STX1A: variants seen among roughly 807,000 people sequenced by gnomAD.
STX1A encodes the protein syntaxin-1A.
A neutral mutation model predicts 37.8 loss-of-function variants in STX1A; 4 were observed. The ratio of observed to expected loss-of-function variants is 0.11; its 90% confidence interval spans 0.05 to 0.24. The LOEUF is 0.24. STX1A is among the 10% of genes least tolerant of loss of function. STX1A has a pLI of 1.00. For missense variants in STX1A, 251 were observed against 399.9 expected (o/e 0.63, Z 3.18); for synonymous variants, 135 against 147.4 (o/e 0.92, Z 0.61).
At position 73,703,797 on chromosome 7, in the gene STX1A, C is replaced by T. The variant is rs782246037; in HGVS notation, c.498G>A (p.Glu166=). 1.5e-5 allele frequency: 25 copies of T among 1,613,888 alleles called. No individual in the cohort carries two copies. The South Asian group carries it at 2.6e-4, about 17-fold the overall frequency. The change falls in exon 7 of 10, where the codon GAG becomes GAA. Residue 166 remains glutamate (E), a synonymous_variant. Transcript: ENST00000222812. Reference sequence around the variant, plus strand: ...CGGGGTTCCCACTCTCCAGCATGTCCTCCAGCTCCTCACTGGTCGTGGTCC... The same window carrying T: ...CGGGGTTCCCACTCTCCAGCATGTCTTCCAGCTCCTCACTGGTCGTGGTCC... The part of the protein sequence containing the change: ...TGRTTTSEEL[E]DMLESGNPAI...
rs193017181 is a variant in STX1A at position 73,706,666 on chromosome 7, C to T, written c.209-1442G>A. ...GTGTGGAGCAGACAGCTCTGCTGCC[C>T]CATGCCCGCCCCACCTGCCAGCAGT... On this transcript the variant is annotated intron_variant, in intron 3 of 9. Coordinates refer to ENST00000222812, the MANE Select transcript of STX1A (RefSeq NM_004603.4). The surrounding 1 kb of genome is among the most constrained non-coding windows in gnomAD (Gnocchi z 4.6). Among the ~76,000 whole-genome samples, 220 of 152,248 alleles carry T rather than the reference C, an allele frequency of 1.4e-3. 3 individuals carry two copies. The highest frequency in any genetic ancestry group is 4.4e-4 in the Non-Finnish European group (30 of 68,008).
rs1554618979 is a variant in STX1A, at chr7:73,717,956, A to G, written c.30+1646T>C. Among the ~76,000 whole-genome samples the G allele has an allele frequency of 1.3e-5, 2 of 152,234 alleles. No individual in the cohort carries two copies. The highest frequency in any genetic ancestry group is 6.5e-5 in the Admixed American group (1 of 15,294). On this transcript the variant is annotated intron_variant, in intron 1 of 9. Transcript: ENST00000222812. This position sits in a 1 kb window ranked among gnomAD's most constrained non-coding sequence, Gnocchi z 4.1. ...TCTTTTGTGCCTCAGTTTCCCCTTC[A>G]GCTAGGGGGATGAAGGCTGACATGC...
At position 73,702,813 on chromosome 7, in the gene STX1A, T is replaced by C. The variant is rs200872589; in HGVS notation, c.678+32A>G. On this transcript the variant is annotated intron_variant, in intron 8 of 9. Transcript: ENST00000222812. The surrounding 1 kb of genome is among the most constrained non-coding windows in gnomAD (Gnocchi z 4.7). The stretch of plus-strand genomic sequence containing the variant: ...TGCAGCCCTGGGTGCTGGTGTGGGC[T>C]GGAGTGGAGGGCAGGGGGGCCCGGC... The C allele has an allele frequency of 6.8e-6, 11 of 1,613,610 alleles. No individual in the cohort carries two copies. The highest frequency in any genetic ancestry group is 9.3e-6 in the Non-Finnish European group (11 of 1,179,918).
chr7:73,719,653 G>C lies in STX1A; in HGVS notation c.-22C>G. ...TCATGCTCCCGGGAGTGGCAGCGGCGCCGGCTGCAGCCGTGTGAGCCCCGC... is the reference window on the plus strand; with the variant it reads ...TCATGCTCCCGGGAGTGGCAGCGGCCCCGGCTGCAGCCGTGTGAGCCCCGC... On this transcript the variant is annotated 5_prime_UTR_variant, in exon 1 of 10. Coordinates refer to ENST00000222812, the MANE Select transcript of STX1A (RefSeq NM_004603.4). 1 of 1,180,514 alleles carries C rather than the reference G, an allele frequency of 8.5e-7. No homozygotes were observed. Among genetic ancestry groups the C allele is most frequent in the Middle Eastern group, 3.5e-4 (1 of 2,894 alleles). 73.1% of individuals were successfully genotyped at this position (1,180,514 alleles called of 1,614,324 possible). A position where few individuals can be genotyped will look rare whatever the true frequency, so the allele number is the denominator to read the frequency against.
intron 6 of STX1A, 131 bp downstream of exon 6, chr7:73,704,017 C>G (rs1341383953): frequency 9.3e-7 from 1 of 1,073,320 alleles, no homozygotes; most frequent in Non-Finnish European, 1.3e-6. Flanking sequence ...GCCCCAAACT[C>G]AGCAGCTGCC....
chr7:73,714,125 T>C (rs1799200489), intron 1 of STX1A, among the ~76,000 whole-genome samples: 1 of 152,060 alleles, frequency 6.6e-6, no homozygotes, highest in South Asian at 2.1e-4. Flanking sequence ...TTTTTTTTTT[T>C]TGAGGCAGAG....
rs1798781310 is a variant in STX1A at position 73,704,140 on chromosome 7, C to T, written c.466+8G>A. The T allele has an allele frequency of 6.2e-7, 1 of 1,605,218 alleles. No individual in the cohort carries two copies. The highest frequency in any genetic ancestry group is 8.5e-7 in the Non-Finnish European group (1 of 1,179,222). On this transcript the variant is annotated splice_region_variant and intron_variant, in intron 6 of 9. Coordinates refer to ENST00000222812, the MANE Select transcript of STX1A (RefSeq NM_004603.4). ...CAGGCCCCGCCCCAGGCCCCACCCC[C>T]AGCTCACTGATCTCCAGCTGCCTCT...
intron 3 of STX1A, among the ~76,000 whole-genome samples, chr7:73,707,427 T>C (rs1554617161): frequency 6.6e-6 from 1 of 152,158 alleles, no homozygotes; most frequent in African/African-American, 2.4e-5. Flanking sequence ...AAGCTCTGCC[T>C]GCTTGGCCAG....
rs900162210 is a variant in STX1A, at chr7:73,718,272, G to C, written c.30+1330C>G. ...CTGGGCGCTCGGCCAGGAATAACAG[G>C]TCTGGAGGCAAAGTGGAGGCCGTGG... is the stretch of plus-strand genomic sequence containing the variant. On this transcript the variant is annotated intron_variant, in intron 1 of 9. Coordinates refer to ENST00000222812, the MANE Select transcript of STX1A (RefSeq NM_004603.4). 3.3e-5 allele frequency among the ~76,000 whole-genome samples: 5 copies of C among 152,142 alleles called. No individual in the cohort carries two copies. The South Asian group carries it at 1.0e-3, about 32-fold the overall frequency.
Position 73,704,130 on chromosome 7 carries a change from G to GC in STX1A, c.466+17dup. The GC allele has an allele frequency of 6.3e-7, 1 of 1,577,374 alleles. No homozygotes were observed. Among genetic ancestry groups the GC allele is most frequent in the Non-Finnish European group, 8.6e-7 (1 of 1,156,846 alleles). On this transcript the variant is annotated intron_variant, in intron 6 of 9. Coordinates refer to ENST00000222812, the MANE Select transcript of STX1A (RefSeq NM_004603.4). ...CTCCAGGCTCCAGGCCCCGCCCCAG[G>GC]CCCCACCCCCAGCTCACTGATCTCC...
chr7:73,718,757 G>C (rs939508280), intron 1 of STX1A, among the ~76,000 whole-genome samples: 3 of 152,094 alleles, frequency 2.0e-5, no homozygotes, highest in African/African-American at 7.2e-5. Flanking sequence ...TCTCTGGGCT[G>C]GGAGAAGGTG....
rs1418167569 is a variant in STX1A, at chr7:73,705,062, C to A, written c.283+88G>T. ...GAAAGGAAAGCAAGATCCGGCGCAC[C>A]CCCTCAGGGCGAGCAAAACCCCATG... On this transcript the variant is annotated intron_variant, in intron 4 of 9. Coordinates refer to ENST00000222812, the MANE Select transcript of STX1A (RefSeq NM_004603.4). This position sits in a 1 kb window ranked among gnomAD's most constrained non-coding sequence, Gnocchi z 5.2. 1.6e-6 allele frequency: 2 copies of A among 1,274,356 alleles called. No homozygotes were observed. The highest frequency in any genetic ancestry group is 1.5e-5 in the African/African-American group (1 of 68,032). The allele number at this position is 1,274,356 out of a possible 1,614,324, so 78.9% of individuals were successfully genotyped here.
intron 1 of STX1A, among the ~76,000 whole-genome samples, chr7:73,712,255 G>A (rs782068220): frequency 3.3e-5 from 5 of 151,962 alleles, no homozygotes; most frequent in Admixed American, 2.6e-4. Flanking sequence ...CTACTTCTTC[G>A]TTCTTGGGAA....
In STX1A at chr7:73,700,317, G is replaced by T; in HGVS notation, c.*90C>A. ...AGGGAGGGTGCTCTGAGCCAGAGGCGGGGGTTGGGAGGGCAGCCCAGCCAG... is the reference window on the plus strand; with the variant it reads ...AGGGAGGGTGCTCTGAGCCAGAGGCTGGGGTTGGGAGGGCAGCCCAGCCAG... On this transcript the variant is annotated 3_prime_UTR_variant, in exon 10 of 10. Transcript: ENST00000222812. The surrounding 1 kb of genome is among the most constrained non-coding windows in gnomAD (Gnocchi z 4.4). 1 of 1,304,422 alleles carries T rather than the reference G, an allele frequency of 7.7e-7. No individual in the cohort carries two copies. The highest frequency in any genetic ancestry group is 1.1e-6 in the Non-Finnish European group (1 of 906,716). The allele number at this position is 1,304,422 out of a possible 1,614,324, so 80.8% of individuals were successfully genotyped here. A position where few individuals can be genotyped will look rare whatever the true frequency, so the allele number is the denominator to read the frequency against.
intron 4 of STX1A, 53 bp from the exon 5 acceptor site, chr7:73,704,476 C>A: frequency 6.2e-7 from 1 of 1,604,968 alleles, no homozygotes. Flanking sequence ...AACCCCGTCC[C>A]CTACCCGCAC....
rs782626968 is a variant in STX1A, at chr7:73,705,132, C to T, written c.283+18G>A. The T allele has an allele frequency of 2.7e-5, 43 of 1,613,420 alleles. 1 individual carries two copies. In the South Asian group the frequency reaches 4.2e-4, roughly 16 times the overall value. ...GCCTAGAATGCCCCCCACCCACCCCCAGACAAGCCTGACTCACTCTTTAAC... is the reference window on the plus strand; with the variant it reads ...GCCTAGAATGCCCCCCACCCACCCCTAGACAAGCCTGACTCACTCTTTAAC... On this transcript the variant is annotated intron_variant, in intron 4 of 9. Coordinates refer to ENST00000222812, the MANE Select transcript of STX1A (RefSeq NM_004603.4). This position sits in a 1 kb window ranked among gnomAD's most constrained non-coding sequence, Gnocchi z 5.2.
chr7:73,703,993 C>T (rs1205699266), intron 6 of STX1A, 155 bp downstream of exon 6: 60 of 917,660 alleles, frequency 6.5e-5, no homozygotes, highest in Non-Finnish European at 8.7e-5. Context: ...CCGCCTCAGG[C>T]CCCCGCCCCT....
At chr7:73,708,460 C>T in intron 3 of STX1A, 129 bp downstream of exon 3, 4 of 867,654 alleles carry the variant, frequency 4.6e-6, no homozygotes, top group South Asian at 1.6e-5. Context: ...CCTCCCGACC[C>T]TGGCCCGCCC....
chr7:73,716,237 T>C (rs1799285027), intron 1 of STX1A, among the ~76,000 whole-genome samples: 1 of 152,262 alleles, frequency 6.6e-6, no homozygotes, highest in Admixed American at 6.5e-5. Context: ...CTCCTGTTCT[T>C]ACACTCTCGT....
Sources: gnomAD v4.1 joint callset for allele counts (sites outside exome capture counted in the v4.1 genomes callset) on GRCh38, gnomAD v4.1.1 for gene constraint, Gnocchi (gnomAD v3.1) non-coding constraint, MANE v1.5 for transcripts, NCBI Gene and HGNC (gene_info 2026-07-23, HGNC 2026-07-21) for gene names.